Variants in BTBD8 observed in about 807,000 individuals in gnomAD.
The protein encoded by BTBD8 is BTB/POZ domain-containing protein 8.
BTBD8 carries 110 observed loss-of-function variants against 162.9 expected under a neutral mutation model. That is an observed-to-expected ratio of 0.68 (90% CI 0.58 to 0.79). The LOEUF is 0.79. Among genes scored for constraint, BTBD8 ranks in the 30% least tolerant of loss-of-function variants. The pLI is 0.00. For missense variants in BTBD8, 1,905 were observed against 2,085.4 expected (o/e 0.91, Z 1.68); for synonymous variants, 667 against 716.1 (o/e 0.93, Z 1.10).
Position 92,132,191 on chromosome 1 carries a change from G to T in BTBD8, c.752+2415G>T, listed in dbSNP as rs575578617. Among the ~76,000 whole-genome samples, 21 of 152,254 alleles carry T rather than the reference G, an allele frequency of 1.4e-4. 1 individual carries two copies. In the South Asian group the frequency reaches 4.2e-3, roughly 30 times the overall value. ...AGTAGGCACATTAGGAGAAACACATGGCATAGGATTGGGATCTTAGGGGAA... is the reference window on the plus strand; with the variant it reads ...AGTAGGCACATTAGGAGAAACACATTGCATAGGATTGGGATCTTAGGGGAA... On this transcript the variant is annotated intron_variant, in intron 5 of 17. Coordinates refer to ENST00000636805, the MANE Select transcript of BTBD8 (RefSeq NM_001376131.1).
chr1:92,102,570 A>G lies in BTBD8; in HGVS notation c.445A>G (p.Ile149Val). ...EIGISQKQLD[I>V]SFPKCENSSD... is the part of the protein sequence containing the mutation. ...TGGGATATCACAAAAGCAACTTGACATCAGTTTTCCAAAGTGTGAAAACTC... is the reference window on the plus strand; with the variant it reads ...TGGGATATCACAAAAGCAACTTGACGTCAGTTTTCCAAAGTGTGAAAACTC... Residue 149 changes from isoleucine (I) to valine (V), a missense_variant, in exon 3 of 18, where the codon ATC (isoleucine) becomes GTC (valine). This residue lies in a region of BTBD8 where 1,374 missense variants were observed against 1,442.7 expected (regional missense o/e 0.95). Transcript: ENST00000636805. 6.3e-7 allele frequency: 1 copy of G among 1,598,342 alleles called. No homozygotes were observed. The highest frequency in any genetic ancestry group is 8.5e-7 in the Non-Finnish European group (1 of 1,172,154).
chr1:92,100,636 G>A (rs1172138210), intron 2 of BTBD8, among the ~76,000 whole-genome samples: 2 of 151,882 alleles, frequency 1.3e-5, no homozygotes, highest in South Asian at 2.1e-4. Context: ...TTGAGATGGA[G>A]TCTCACACTG....
chr1:92,153,389 A>T (rs1650090991), intron 9 of BTBD8, among the ~76,000 whole-genome samples: 1 of 152,180 alleles, frequency 6.6e-6, no homozygotes, highest in Non-Finnish European at 1.5e-5. Flanking sequence ...TGGAAAGAAT[A>T]TTTAACATGG....
chr1:92,184,175 C>T lies in BTBD8; in HGVS notation c.5224C>T (p.Pro1742Ser), dbSNP rs1009264612. The T allele has an allele frequency of 6.4e-7, 1 of 1,551,466 alleles. No individual in the cohort carries two copies. Among genetic ancestry groups the T allele is most frequent in the African/African-American group, 1.4e-5 (1 of 73,056 alleles). ...ACTTTTAGCACGAGATAGCTCAAAA[C>T]CTCAGGGTATAACACATATTGACAC... Reference protein sequence around the residue: ...TLLLARDSSKPQGITHIDTLN... With the variant: ...TLLLARDSSKSQGITHIDTLN... The change falls in exon 18 of 18, where the codon CCT becomes TCT. Residue 1742 changes from proline to serine, a missense_variant. By Grantham distance (74) the Pro-to-Ser change is moderately conservative (BLOSUM62 -1). Transcript: ENST00000636805.
At chr1:92,098,568 A>G (rs1358759464) in intron 2 of BTBD8, among the ~76,000 whole-genome samples, 1 of 152,054 alleles carries the variant, frequency 6.6e-6, no homozygotes, top group Non-Finnish European at 1.5e-5. Context: ...CCATATTCTC[A>G]ACATGTTATC....
chr1:92,144,761 T>C (rs1256043440), intron 7 of BTBD8, among the ~76,000 whole-genome samples: 1 of 149,480 alleles, frequency 6.7e-6, no homozygotes, highest in Non-Finnish European at 1.5e-5. Context: ...CAGCGAGCCA[T>C]GGTCACACCA....
chr1:92,127,427 A>G (rs894333470), intron 4 of BTBD8, among the ~76,000 whole-genome samples: 3 of 152,236 alleles, frequency 2.0e-5, no homozygotes, highest in African/African-American at 7.2e-5. Context: ...AACTAGATTC[A>G]GTTGGAACGA....
intron 9 of BTBD8, among the ~76,000 whole-genome samples, chr1:92,163,938 C>T (rs910674422): frequency 6.6e-6 from 1 of 152,124 alleles, no homozygotes; most frequent in Non-Finnish European, 1.5e-5. Context: ...CAGAGCACAT[C>T]ACATTATGTA....
chr1:92,100,144 A>G (rs1209553377), intron 2 of BTBD8, among the ~76,000 whole-genome samples: 6 of 152,202 alleles, frequency 3.9e-5, no homozygotes. Context: ...TTTTACTGAT[A>G]TGGTGTATAA....
rs1166639721 is a variant in BTBD8, at chr1:92,177,365, A to G, written c.2172A>G (p.Gly724=). The change falls in exon 14 of 18, where the codon GGA becomes GGG. Residue 724 remains glycine, a synonymous_variant. Coordinates refer to ENST00000636805, the MANE Select transcript of BTBD8 (RefSeq NM_001376131.1). ...GKDSPCLSIA[G]PSSRSTDSSM... Reference sequence around the variant, plus strand: ...ATTCACCATGCCTCAGCATCGCAGGACCCTCCAGCAGATCCACAGATTCAA... The same window carrying G: ...ATTCACCATGCCTCAGCATCGCAGGGCCCTCCAGCAGATCCACAGATTCAA... 6 of 1,551,756 alleles carry G rather than the reference A, an allele frequency of 3.9e-6. No homozygotes were observed. Among genetic ancestry groups the G allele is most frequent in the Admixed American group, 3.9e-5 (2 of 50,986 alleles).
At chr1:92,127,882 T>C (rs1649403257) in intron 4 of BTBD8, among the ~76,000 whole-genome samples, 1 of 152,094 alleles carries the variant, frequency 6.6e-6, no homozygotes, top group Non-Finnish European at 1.5e-5. Flanking sequence ...CTTTAGCCTT[T>C]GTTCCTTCCT....
At chr1:92,156,994 A>C (rs1473304027) in intron 9 of BTBD8, among the ~76,000 whole-genome samples, 3 of 140,502 alleles carry the variant, frequency 2.1e-5, no homozygotes, top group African/African-American at 5.3e-5. Flanking sequence ...TTCTTTTTTT[A>C]GTTCCTTGAG....
At chr1:92,138,998 G>T (rs1264278690) in intron 5 of BTBD8, among the ~76,000 whole-genome samples, 1 of 152,144 alleles carries the variant, frequency 6.6e-6, no homozygotes, top group Non-Finnish European at 1.5e-5. Flanking sequence ...GAGTCTTTAA[G>T]CAAGACCAGA....
chr1:92,160,737 T>G lies in BTBD8; in HGVS notation c.1123-6221T>G, dbSNP rs1159022946. On this transcript the variant is annotated intron_variant, in intron 9 of 17. Transcript: ENST00000636805. ...GCTCTTCACTCTCTACTGAGACAAG[T>G]GAAGGGGTTCTGGCAACTAGTCGCA... Among the ~76,000 whole-genome samples the G allele has an allele frequency of 2.0e-5, 3 of 152,250 alleles. No individual in the cohort carries two copies. In the East Asian group the frequency reaches 5.8e-4, roughly 29 times the overall value.
intron 5 of BTBD8, among the ~76,000 whole-genome samples, chr1:92,138,989 A>C (rs1649701918): frequency 6.6e-6 from 1 of 152,224 alleles, no homozygotes; most frequent in Non-Finnish European, 1.5e-5. Context: ...TGTACATTTG[A>C]GTCTTTAAGC....
chr1:92,133,744 G>T (rs1435465903), intron 5 of BTBD8, among the ~76,000 whole-genome samples: 1 of 152,126 alleles, frequency 6.6e-6, no homozygotes, highest in Non-Finnish European at 1.5e-5. Context: ...GCTGAGGCGG[G>T]CGGATCACAA....
intron 9 of BTBD8, among the ~76,000 whole-genome samples, chr1:92,159,736 T>C (rs1235130848): frequency 2.0e-5 from 3 of 152,234 alleles, no homozygotes; most frequent in South Asian, 2.1e-4. Flanking sequence ...CACTCCCTTA[T>C]TGCCTGCAAG....
chr1:92,140,108 CA>C (rs66840540), intron 6 of BTBD8, among the ~76,000 whole-genome samples: 68,413 of 109,108 alleles, frequency 0.63, 19,552 homozygotes, highest in East Asian at 0.94. Flanking sequence ...GACTCTGTCT[CA>C]AAAAAAAAAA....
Position 92,167,955 on chromosome 1 carries a change from A to T in BTBD8, c.1413A>T (p.Thr471=). The T allele has an allele frequency of 1.3e-6, 2 of 1,548,606 alleles. No individual in the cohort carries two copies. The highest frequency in any genetic ancestry group is 4.9e-5 in the East Asian group (2 of 40,842). The change falls in exon 11 of 18, where the codon ACA becomes ACT. Residue 471 remains threonine, a synonymous_variant. Transcript: ENST00000636805. ...GCTCTCTTCTTATGGCTCTGGACAC[A>T]CTGCTGAACTCTGACAGTACAAAGG... ...NSCSLLMALD[T]LLNSDSTKEM...
Sources: allele counts gnomAD v4.1 joint callset (sites outside exome capture counted in the v4.1 genomes callset), GRCh38; gene constraint gnomAD v4.1.1; regional missense constraint gnomAD v4.1.1; transcripts MANE v1.5; gene names NCBI Gene and HGNC (gene_info 2026-07-23, HGNC 2026-07-21).